The following ATXN1 variants were observed in gnomAD, a reference collection of about 807,000 sequenced individuals.
The protein encoded by ATXN1 is ataxin-1.
ATXN1 carries 8 observed loss-of-function variants against 56.4 expected under a neutral mutation model. The observed-to-expected ratio is 0.14, with a 90% confidence interval of 0.08 to 0.26. The LOEUF (loss-of-function observed/expected upper bound fraction) is 0.26. Ranked by LOEUF, ATXN1 falls within the 10% of genes least tolerant of loss-of-function variation. ATXN1 has a pLI of 1.00. For missense variants in ATXN1, 987 were observed against 1,106.5 expected, an observed-to-expected ratio of 0.89 and a Z score of 1.53; for synonymous variants, 514 against 494.6, an observed-to-expected ratio of 1.04 and a Z score of -0.52.
At chr6:16,678,072 T>C (rs997690178) in intron 2 of ATXN1, among the ~76,000 whole-genome samples, 13 of 152,228 alleles carry the variant, frequency 8.5e-5, no homozygotes, top group African/African-American at 2.9e-4. Context: ...CCACTTAATT[T>C]TACCAAGAGC....
chr6:16,458,566 C>T (rs1759926865), intron 6 of ATXN1, among the ~76,000 whole-genome samples: 1 of 152,082 alleles, frequency 6.6e-6, no homozygotes, highest in Non-Finnish European at 1.5e-5. Context: ...CTAATAGGAA[C>T]CAAGAGGAAC....
At chr6:16,317,313 TTTTC>T (rs776430942) in intron 7 of ATXN1, among the ~76,000 whole-genome samples, 39 of 151,990 alleles carry the variant, frequency 2.6e-4, no homozygotes, top group South Asian at 6.3e-4. Flanking sequence ...CCTTTATAAC[TTTTC>T]TTTCTTTCTT....
At chr6:16,746,839 G>A (rs936655351) in intron 2 of ATXN1, among the ~76,000 whole-genome samples, 5 of 152,052 alleles carry the variant, frequency 3.3e-5, no homozygotes, top group African/African-American at 7.2e-5. Context: ...TGGGGGAGCC[G>A]GGAGCAAGAA....
chr6:16,394,365 C>A (rs569955923), intron 6 of ATXN1, among the ~76,000 whole-genome samples: 6 of 152,250 alleles, frequency 3.9e-5, no homozygotes, highest in African/African-American at 1.2e-4. Context: ...TAAATCTCTT[C>A]TTGGGAATAT....
intron 3 of ATXN1, among the ~76,000 whole-genome samples, chr6:16,626,569 T>C (rs993687295): frequency 1.3e-5 from 2 of 152,188 alleles, no homozygotes; most frequent in African/African-American, 4.8e-5. Flanking sequence ...GTACTGAGAT[T>C]ACAGGCATGA....
At chr6:16,555,534 C>T (rs183723574) in intron 4 of ATXN1, among the ~76,000 whole-genome samples, 1 of 152,238 alleles carries the variant, frequency 6.6e-6, no homozygotes, top group Non-Finnish European at 1.5e-5. Flanking sequence ...CACCCAGAGC[C>T]CAGTGGTTCC....
At chr6:16,482,237 C>A (rs1201354921) in intron 6 of ATXN1, among the ~76,000 whole-genome samples, 1 of 152,132 alleles carries the variant, frequency 6.6e-6, no homozygotes, top group Admixed American at 6.6e-5. Context: ...GGCATTCACT[C>A]AATGAATATT....
chr6:16,392,371 G>A (rs1758371766), intron 6 of ATXN1, among the ~76,000 whole-genome samples: 1 of 152,276 alleles, frequency 6.6e-6, no homozygotes, highest in Admixed American at 6.5e-5. Flanking sequence ...CTGGATAACT[G>A]CCAGTCATAA....
intron 4 of ATXN1, among the ~76,000 whole-genome samples, chr6:16,583,417 C>T (rs1274066422): frequency 6.6e-6 from 1 of 152,224 alleles, no homozygotes; most frequent in South Asian, 2.1e-4. Flanking sequence ...AACCTACAGC[C>T]TTCCCCTTCA....
intron 4 of ATXN1, among the ~76,000 whole-genome samples, chr6:16,549,350 A>C (rs1219823348): frequency 6.6e-6 from 1 of 152,206 alleles, no homozygotes; most frequent in African/African-American, 2.4e-5. Flanking sequence ...CATATGAGTA[A>C]TGAGTTGCAC....
At chr6:16,505,429 TC>T (rs1329515605) in intron 5 of ATXN1, among the ~76,000 whole-genome samples, 1 of 152,146 alleles carries the variant, frequency 6.6e-6, no homozygotes, top group African/African-American at 2.4e-5. Flanking sequence ...CAGGCTGACA[TC>T]CCAAACCTTA....
chr6:16,313,425 A>G (rs1760443737), intron 7 of ATXN1, among the ~76,000 whole-genome samples: 1 of 152,202 alleles, frequency 6.6e-6, no homozygotes, highest in Admixed American at 6.5e-5. Flanking sequence ...CCAAATCTCC[A>G]AAGACAGGCC....
chr6:16,512,199 C>A (rs1761096851), intron 5 of ATXN1, among the ~76,000 whole-genome samples: 1 of 152,240 alleles, frequency 6.6e-6, no homozygotes, highest in South Asian at 2.1e-4. Context: ...ATATGAAAGG[C>A]TTTACCACAT....
intron 5 of ATXN1, among the ~76,000 whole-genome samples, chr6:16,491,627 T>C (rs1760667747): frequency 6.6e-6 from 1 of 152,044 alleles, no homozygotes; most frequent in African/African-American, 2.4e-5. Context: ...TATATTATGA[T>C]AGACCAAATT....
At chr6:16,522,453 T>G (rs1284481578) in intron 5 of ATXN1, among the ~76,000 whole-genome samples, 174 bp downstream of exon 5, 1 of 152,008 alleles carries the variant, frequency 6.6e-6, no homozygotes, top group Non-Finnish European at 1.5e-5. Flanking sequence ...GAAACCATCC[T>G]CTCCAAAGGA....
chr6:16,621,624 G>A (rs58747981), intron 3 of ATXN1, among the ~76,000 whole-genome samples: 306 of 152,190 alleles, frequency 2.0e-3, no homozygotes, highest in African/African-American at 6.7e-3. Flanking sequence ...GGGAGGCTGA[G>A]GCTTGAACCC....
intron 3 of ATXN1, among the ~76,000 whole-genome samples, chr6:16,612,889 T>TAA (rs754223145): frequency 6.2e-5 from 8 of 129,506 alleles, no homozygotes; most frequent in Non-Finnish European, 9.9e-5. Flanking sequence ...GACTCTGTCT[T>TAA]AAAAAAAAAA....
chr6:16,497,904 A>G (rs1760809440), intron 5 of ATXN1, among the ~76,000 whole-genome samples: 1 of 152,196 alleles, frequency 6.6e-6, no homozygotes, highest in Non-Finnish European at 1.5e-5. Context: ...TGAAAATGGA[A>G]TCACAAAGGG....
At chr6:16,361,379 A>G (rs915126188) in intron 6 of ATXN1, among the ~76,000 whole-genome samples, 1 of 152,210 alleles carries the variant, frequency 6.6e-6, no homozygotes, top group Admixed American at 6.5e-5. Context: ...CACATGGCTA[A>G]TTATTTCTAC....
Sources: allele counts gnomAD v4.1 joint callset (sites outside exome capture counted in the v4.1 genomes callset), GRCh38; gene constraint gnomAD v4.1.1; transcripts MANE v1.5; gene names NCBI Gene and HGNC (gene_info 2026-07-23, HGNC 2026-07-21).